Variants in FRY observed in about 807,000 individuals in gnomAD.
FRY encodes protein furry homolog.
A neutral mutation model predicts 348.4 loss-of-function variants in FRY; 128 were observed. The observed-to-expected ratio is 0.37, with a 90% confidence interval of 0.32 to 0.43. The LOEUF (loss-of-function observed/expected upper bound fraction) is 0.43. Ranked by LOEUF, FRY falls within the 20% of genes least tolerant of loss-of-function variation. The pLI is 1.00. For synonymous variants in FRY, 1,370 were observed against 1,374.7 expected (o/e 1.00, Z 0.08); for missense variants, 2,736 against 3,695.2 (o/e 0.74, Z 6.73).
intron 3 of FRY, among the ~76,000 whole-genome samples, chr13:32,106,277 A>G (rs1466174143): frequency 1.3e-5 from 2 of 151,318 alleles, no homozygotes; most frequent in Non-Finnish European, 2.9e-5. Flanking sequence ...AAGTTTCCCA[A>G]TATTATATGA....
chr13:32,249,633 C>T lies in FRY; in HGVS notation c.7116C>T (p.Gly2372=), dbSNP rs1566168105. Residue 2372 remains glycine (G), a synonymous_variant, in exon 49 of 61, where the codon GGC becomes GGT. Transcript: ENST00000542859. ...GGAGCACATCTTCCACTTCCTCAGG[C>T]TCCAACTCCAACGTCCTTGTTCCAG... ...VTRSTSSTSS[G]SNSNVLVPVS... is the part of the protein sequence containing the mutation. The T allele has an allele frequency of 1.2e-6, 2 of 1,614,220 alleles. No homozygotes were observed. The highest frequency in any genetic ancestry group is 4.5e-5 in the East Asian group (2 of 44,880).
At chr13:32,176,366 CATGTTACTG>C (rs1003747017) in intron 20 of FRY, among the ~76,000 whole-genome samples, 4 of 152,160 alleles carry the variant, frequency 2.6e-5, no homozygotes, top group Non-Finnish European at 5.9e-5. Flanking sequence ...TTGCAGAATC[CATGTTACTG>C]ATGTTGCTGA....
At chr13:32,090,275 A>G (rs1279100046) in intron 2 of FRY, among the ~76,000 whole-genome samples, 11 of 148,556 alleles carry the variant, frequency 7.4e-5, no homozygotes, top group Non-Finnish European at 1.6e-4. Context: ...GTGAACCCGG[A>G]AGTCGGAGGT....
At chr13:32,242,255 A>C (rs916913321) in intron 46 of FRY, among the ~76,000 whole-genome samples, 1 of 152,192 alleles carries the variant, frequency 6.6e-6, no homozygotes, top group Non-Finnish European at 1.5e-5. Flanking sequence ...CTGAAGTCGA[A>C]TTATTCAGTC....
At chr13:32,201,604 T>C (rs1310840372) in intron 29 of FRY, among the ~76,000 whole-genome samples, 5 of 142,322 alleles carry the variant, frequency 3.5e-5, no homozygotes, top group Non-Finnish European at 7.7e-5. Flanking sequence ...TCTGTCTTTT[T>C]CACTTGTTGG....
At chr13:32,074,670 G>A (rs958179498) in intron 1 of FRY, among the ~76,000 whole-genome samples, 3 of 152,118 alleles carry the variant, frequency 2.0e-5, no homozygotes, top group Non-Finnish European at 4.4e-5. Flanking sequence ...AATAAAAACA[G>A]ATTTTAAAAA....
Position 32,222,027 on chromosome 13 carries a change from A to AGAGC in FRY, c.4766-2203_4766-2200dup, listed in dbSNP as rs149614507. Among the ~76,000 whole-genome samples the AGAGC allele has an allele frequency of 3.4e-3, 512 of 152,214 alleles. 4 individuals carry two copies. The highest frequency in any genetic ancestry group is 5.1e-3 in the Non-Finnish European group (347 of 68,012). On this transcript the variant is annotated intron_variant, in intron 36 of 60. Coordinates refer to ENST00000542859, the MANE Select transcript of FRY (RefSeq NM_023037.3). ...TGGGTGGAGGGGGAGGGACTAAAGC[A>AGAGC]GAGCGAGCAGGGTAGAAAGTGATTG...
intron 15 of FRY, 78 bp downstream of exon 15, chr13:32,155,740 T>G: frequency 1.0e-6 from 1 of 957,386 alleles, no homozygotes; most frequent in South Asian, 1.6e-5. Flanking sequence ...TTTAGTGAGA[T>G]GCAGTTTTTA....
At chr13:32,214,330 T>C (rs1054768825) in intron 35 of FRY, among the ~76,000 whole-genome samples, 1 of 152,234 alleles carries the variant, frequency 6.6e-6, no homozygotes, top group African/African-American at 2.4e-5. Flanking sequence ...GCGTATCTCT[T>C]ACACCAAGCT....
chr13:32,184,242 C>T (rs1882887318), intron 24 of FRY, among the ~76,000 whole-genome samples: 1 of 152,066 alleles, frequency 6.6e-6, no homozygotes, highest in South Asian at 2.1e-4. Context: ...TGAATAAGAA[C>T]AAACAGTGTT....
In FRY at chr13:32,261,722, C is replaced by G. The variant is rs776426410; in HGVS notation, c.7523C>G (p.Thr2508Ser). The G allele has an allele frequency of 4.3e-6, 7 of 1,614,138 alleles. No individual in the cohort carries two copies. The highest frequency in any genetic ancestry group is 5.9e-6 in the Non-Finnish European group (7 of 1,179,998). The change falls in exon 52 of 61, where the codon ACT becomes AGT. Residue 2508 changes from threonine to serine, a missense_variant. This residue lies in a region of FRY where 789 missense variants were observed against 996.2 expected (regional missense o/e 0.79). Transcript: ENST00000542859. ...ILEERQLSGS[T>S]PSLNKMHHED... ...GAGGAGCGCCAACTGTCAGGAAGCA[C>G]TCCTAGCCTGAATAAAATGCACCAT... is the stretch of plus-strand genomic sequence containing the variant.
intron 11 of FRY, among the ~76,000 whole-genome samples, chr13:32,143,632 T>A (rs1378328803): frequency 6.6e-6 from 1 of 152,152 alleles, no homozygotes; most frequent in East Asian, 1.9e-4. Context: ...AATGAGAGAT[T>A]ATGAATATGA....
chr13:32,255,119 C>G (rs1198928906), intron 51 of FRY, among the ~76,000 whole-genome samples: 1 of 152,156 alleles, frequency 6.6e-6, no homozygotes, highest in Non-Finnish European at 1.5e-5. Flanking sequence ...GAGGCATGTT[C>G]CACCTGAGAG....
intron 1 of FRY, among the ~76,000 whole-genome samples, chr13:32,066,661 T>C (rs758012991): frequency 1.3e-5 from 2 of 152,198 alleles, no homozygotes; most frequent in Non-Finnish European, 2.9e-5. Context: ...AGTCTTCTCA[T>C]GGTAGGTGCA....
intron 3 of FRY, among the ~76,000 whole-genome samples, chr13:32,111,132 T>C (rs1435935961): frequency 1.3e-5 from 2 of 152,204 alleles, no homozygotes; most frequent in Non-Finnish European, 2.9e-5. Flanking sequence ...TTGTCCCTGC[T>C]GATTTTTCAA....
At chr13:32,076,461 G>A (rs891958670) in intron 1 of FRY, among the ~76,000 whole-genome samples, 2 of 152,160 alleles carry the variant, frequency 1.3e-5, no homozygotes, top group African/African-American at 2.4e-5. Context: ...GCCTGCACTG[G>A]GGAAGTAGGA....
At chr13:32,244,296 C>A in intron 47 of FRY, 114 bp downstream of exon 47, 1 of 944,998 alleles carries the variant, frequency 1.1e-6, no homozygotes, top group Non-Finnish European at 1.7e-6. Flanking sequence ...CATTCCTTGA[C>A]ATCCATGGCA....
chr13:32,290,577 A>G (rs1437072867), intron 59 of FRY, among the ~76,000 whole-genome samples: 2 of 152,030 alleles, frequency 1.3e-5, no homozygotes, highest in African/African-American at 2.4e-5. Flanking sequence ...AAGGCAGAAG[A>G]GAGAGGGGTA....
chr13:32,221,784 A>T lies in FRY; in HGVS notation c.4766-2451A>T, dbSNP rs148109067. Among the ~76,000 whole-genome samples, 986 of 152,332 alleles carry T rather than the reference A, an allele frequency of 6.5e-3. 3 individuals carry two copies. The highest frequency in any genetic ancestry group is 0.011 in the Non-Finnish European group (744 of 68,038). Reference sequence around the variant, plus strand: ...CGCCTGGGCCTTCCAAAATGCTGGGATTACAGGCATGAGCCACTGCGCCTG... The same window carrying T: ...CGCCTGGGCCTTCCAAAATGCTGGGTTTACAGGCATGAGCCACTGCGCCTG... On this transcript the variant is annotated intron_variant, in intron 36 of 60. Coordinates refer to ENST00000542859, the MANE Select transcript of FRY (RefSeq NM_023037.3).
Sources: allele counts gnomAD v4.1 joint callset (sites outside exome capture counted in the v4.1 genomes callset), GRCh38; gene constraint gnomAD v4.1.1; regional missense constraint gnomAD v4.1.1; transcripts MANE v1.5; gene names NCBI Gene and HGNC (gene_info 2026-07-23, HGNC 2026-07-21).